The following DNAH12 variants were observed in gnomAD, a reference collection of about 807,000 sequenced individuals.
DNAH12 encodes the protein dynein axonemal heavy chain 12.
A neutral mutation model predicts 371.5 loss-of-function variants in DNAH12; 285 were observed. That is an observed-to-expected ratio of 0.77 (90% CI 0.70 to 0.85). The LOEUF is 0.85. DNAH12 is among the 40% of genes least tolerant of loss of function. The pLI, the probability that DNAH12 is intolerant of heterozygous loss-of-function variation, is 0.00. For synonymous variants in DNAH12, 1,200 were observed against 1,213.0 expected, an observed-to-expected ratio of 0.99 and a Z score of 0.22; for missense variants, 3,611 against 3,689.4, an observed-to-expected ratio of 0.98 and a Z score of 0.55.
chr3:57,488,628 T>G (rs1036388752), intron 12 of DNAH12, among the ~76,000 whole-genome samples: 5 of 152,164 alleles, frequency 3.3e-5, no homozygotes, highest in Non-Finnish European at 7.3e-5. Context: ...AAGCATGCAA[T>G]TTTTTCACTT....
intron 18 of DNAH12, among the ~76,000 whole-genome samples, 187 bp downstream of exon 18, chr3:57,462,503 C>T (rs1314534579): frequency 6.6e-6 from 1 of 152,032 alleles, no homozygotes; most frequent in African/African-American, 2.4e-5. Context: ...CCACATGTCT[C>T]GGCCTCCCAC....
chr3:57,381,239 GT>G (rs1575525006), intron 50 of DNAH12, among the ~76,000 whole-genome samples: 1 of 19,420 alleles, frequency 5.1e-5, no homozygotes, highest in Admixed American at 4.3e-4. Flanking sequence ...ATAGGGAGGT[GT>G]GTGTGTGTGT....
chr3:57,317,845 G>T (rs576154367), intron 65 of DNAH12, among the ~76,000 whole-genome samples: 1 of 151,994 alleles, frequency 6.6e-6, no homozygotes, highest in East Asian at 1.9e-4. Flanking sequence ...TTGTTTTTTT[G>T]AAAATAGCCA....
At chr3:57,503,571 C>A (rs1035969439) in intron 9 of DNAH12, among the ~76,000 whole-genome samples, 4 of 151,642 alleles carry the variant, frequency 2.6e-5, no homozygotes, top group African/African-American at 9.7e-5. Context: ...GTATTTTTAG[C>A]AGAGATGAGG....
rs375739253 is a variant in DNAH12, at chr3:57,511,006, T to A, written c.280-27A>T. 1.2e-5 allele frequency: 19 copies of A among 1,539,052 alleles called. No homozygotes were observed. In the Middle Eastern group the frequency reaches 6.9e-4, roughly 56 times the overall value. On this transcript the variant is annotated intron_variant, in intron 4 of 73. Coordinates refer to ENST00000495027, the MANE Select transcript of DNAH12 (RefSeq NM_001366028.2). Reference sequence around the variant, plus strand: ...TGAGAACATAAGAAAAAATTAAATGTTCTGCATGGTTGTATCATTTCAGTG... The same window carrying A: ...TGAGAACATAAGAAAAAATTAAATGATCTGCATGGTTGTATCATTTCAGTG...
At chr3:57,306,650 C>T (rs766736731) in intron 69 of DNAH12, among the ~76,000 whole-genome samples, 4 of 152,062 alleles carry the variant, frequency 2.6e-5, no homozygotes, top group African/African-American at 7.2e-5. Context: ...ACCTAATCAC[C>T]CTTACCCCGC....
intron 13 of DNAH12, among the ~76,000 whole-genome samples, chr3:57,482,589 T>C (rs1430585494): frequency 6.6e-6 from 1 of 152,132 alleles, no homozygotes; most frequent in African/African-American, 2.4e-5. Context: ...CCCAAAGGAT[T>C]ATAAATCATG....
At chr3:57,552,993 A>G in the DNAH12 span, among the ~76,000 whole-genome samples, 8 of 152,224 alleles carry the variant, frequency 5.3e-5, no homozygotes, top group Non-Finnish European at 1.0e-4. Flanking sequence ...CCTGACCAAC[A>G]TGGAGAAACC....
chr3:57,402,012 A>G (rs1162554979), intron 43 of DNAH12, among the ~76,000 whole-genome samples: 1 of 152,244 alleles, frequency 6.6e-6, no homozygotes, highest in Non-Finnish European at 1.5e-5. Context: ...CTAATTTCAA[A>G]GTCCACGTTC....
rs1413943425 is a variant in DNAH12 at position 57,428,735 on chromosome 3, T to C, written c.5151A>G (p.Ser1717=). The change falls in exon 34 of 74, where the codon TCA becomes TCG. Residue 1717 remains serine (S), a synonymous_variant. Coordinates refer to ENST00000495027, the MANE Select transcript of DNAH12 (RefSeq NM_001366028.2). ...CTGGTTCACACAGAGGTCCTTTCAG[T>C]GAATTCAACCAAGAAGACACAAGTG... ...WEPLVSSWLN[S]LKGPLCEPEY... 1.3e-6 allele frequency: 2 copies of C among 1,551,578 alleles called. No homozygotes were observed. Among genetic ancestry groups the C allele is most frequent in the South Asian group, 2.4e-5 (2 of 84,024 alleles).
At chr3:57,517,733 T>C (rs999372623) in intron 4 of DNAH12, among the ~76,000 whole-genome samples, 3 of 152,210 alleles carry the variant, frequency 2.0e-5, no homozygotes, top group Non-Finnish European at 2.9e-5. Flanking sequence ...AGTCAAGTGA[T>C]GTACTTTCAA....
chr3:57,470,311 T>C, intron 16 of DNAH12, 132 bp downstream of exon 16: 1 of 870,288 alleles, frequency 1.1e-6, no homozygotes, highest in Non-Finnish European at 1.7e-6. Flanking sequence ...TTCTCCTACA[T>C]GGTACCTGGT....
At chr3:57,483,246 G>T (rs2066811450) in intron 13 of DNAH12, 130 bp downstream of exon 13, 1 of 1,045,626 alleles carries the variant, frequency 9.6e-7, no homozygotes, top group Non-Finnish European at 1.4e-6. Flanking sequence ...CTATTTCTTG[G>T]CCTAGGTGGT....
chr3:57,392,762 G>A (rs1003253717), intron 44 of DNAH12, among the ~76,000 whole-genome samples: 1 of 152,178 alleles, frequency 6.6e-6, no homozygotes, highest in Non-Finnish European at 1.5e-5. Context: ...CAGAAATAGT[G>A]AAGCAATGGA....
intron 69 of DNAH12, among the ~76,000 whole-genome samples, chr3:57,305,914 G>C (rs2061459841): frequency 6.6e-6 from 1 of 152,148 alleles, no homozygotes; most frequent in Non-Finnish European, 1.5e-5. Flanking sequence ...CCGCAGCACC[G>C]AGGCTTTCCT....
At position 57,471,594 on chromosome 3, in the gene DNAH12, C is replaced by T. The variant is rs2066370886; in HGVS notation, c.1789G>A (p.Ala597Thr). ...FDENDELIEN[A>T]KHKKENELMA... ...AGTTCATTTTCTTTTTTATGTTTAG[C>T]ATTCTCAATTAGCTTTTTAAAAGAC... The change falls in exon 15 of 74, where the codon GCT becomes ACT. Residue 597 changes from alanine to threonine, a missense_variant. Transcript: ENST00000495027. The T allele has an allele frequency of 1.3e-6, 2 of 1,536,864 alleles. No individual in the cohort carries two copies. The highest frequency in any genetic ancestry group is 1.8e-6 in the Non-Finnish European group (2 of 1,142,680).
At chr3:57,365,394 T>C (rs1200947455) in intron 57 of DNAH12, among the ~76,000 whole-genome samples, 1 of 151,932 alleles carries the variant, frequency 6.6e-6, no homozygotes, top group Non-Finnish European at 1.5e-5. Context: ...CACTTATAAG[T>C]GGGAGCTGAA....
chr3:57,455,239 T>C (rs952854436), intron 22 of DNAH12, among the ~76,000 whole-genome samples: 2 of 150,562 alleles, frequency 1.3e-5, no homozygotes, highest in African/African-American at 4.9e-5. Flanking sequence ...ACTTCTATCA[T>C]AATAAAATAT....
chr3:57,510,735 G>T, intron 5 of DNAH12, 55 bp downstream of exon 5: 1 of 1,513,044 alleles, frequency 6.6e-7, no homozygotes, highest in Non-Finnish European at 9.0e-7. Context: ...TGATTCAGTG[G>T]GGACGGGGGG....
Sources: gnomAD v4.1 joint callset for allele counts (sites outside exome capture counted in the v4.1 genomes callset) on GRCh38, gnomAD v4.1.1 for gene constraint, MANE v1.5 for transcripts, NCBI Gene and HGNC (gene_info 2026-07-23, HGNC 2026-07-21) for gene names.